Variants in CNTNAP2 observed in about 807,000 individuals in gnomAD.
CNTNAP2 encodes the protein contactin-associated protein-like 2.
CNTNAP2 carries 98 observed loss-of-function variants against 155.2 expected under a neutral mutation model. The observed-to-expected ratio is 0.63, with a 90% confidence interval of 0.54 to 0.75. CNTNAP2 has a LOEUF of 0.75. Ranked by LOEUF, CNTNAP2 falls within the 30% of genes least tolerant of loss-of-function variation. The pLI is 0.00. For synonymous variants in CNTNAP2, 651 were observed against 631.2 expected, an observed-to-expected ratio of 1.03 and a Z score of -0.47; for missense variants, 1,727 against 1,688.1, an observed-to-expected ratio of 1.02 and a Z score of -0.40.
intron 1 of CNTNAP2, among the ~76,000 whole-genome samples, chr7:146,452,648 T>C (rs1584932268): frequency 6.6e-6 from 1 of 152,228 alleles, no homozygotes; most frequent in African/African-American, 2.4e-5. Flanking sequence ...TTCTTTAAAC[T>C]TAACTTCTCA....
intron 13 of CNTNAP2, among the ~76,000 whole-genome samples, chr7:147,741,028 C>G (rs1796947890): frequency 6.6e-6 from 1 of 152,196 alleles, no homozygotes; most frequent in South Asian, 2.1e-4. Flanking sequence ...TGGAAGATGG[C>G]AGTCCTCAGG....
At chr7:148,078,363 C>T (rs926179279) in intron 15 of CNTNAP2, among the ~76,000 whole-genome samples, 1 of 152,214 alleles carries the variant, frequency 6.6e-6, no homozygotes, top group African/African-American at 2.4e-5. Context: ...GGCATTGAGC[C>T]ACCCCACCTG....
Position 148,155,558 on chromosome 7 carries a change from C to A in CNTNAP2, c.2773+7849C>A, listed in dbSNP as rs568924817. ...CACAACTTGGAGTTAGGCTCCCACC[C>A]TCCCGTGGAGGGGAGACAGGGTGCT... On this transcript the variant is annotated intron_variant, in intron 17 of 23. Coordinates refer to ENST00000361727, the MANE Select transcript of CNTNAP2 (RefSeq NM_014141.6). Among the ~76,000 whole-genome samples the A allele has an allele frequency of 5.3e-5, 8 of 152,262 alleles. No homozygotes were observed. In the South Asian group the frequency reaches 1.4e-3, roughly 28 times the overall value.
chr7:148,123,564 C>T (rs1804643666), intron 16 of CNTNAP2, among the ~76,000 whole-genome samples: 1 of 151,190 alleles, frequency 6.6e-6, no homozygotes. Flanking sequence ...ACAGCTGTAC[C>T]CCCTAGCCTG....
chr7:146,993,800 A>G (rs553398266), intron 3 of CNTNAP2, among the ~76,000 whole-genome samples: 26 of 152,218 alleles, frequency 1.7e-4, no homozygotes, highest in African/African-American at 5.5e-4. Flanking sequence ...ACATATGACT[A>G]TTTTGTCATG....
chr7:147,740,873 C>T (rs1796945024), intron 13 of CNTNAP2, among the ~76,000 whole-genome samples: 1 of 152,126 alleles, frequency 6.6e-6, no homozygotes, highest in African/African-American at 2.4e-5. Context: ...AGAGGGAGGG[C>T]CCAGGCAGAA....
intron 21 of CNTNAP2, among the ~76,000 whole-genome samples, chr7:148,352,663 A>G (rs1798448422): frequency 6.6e-6 from 1 of 152,186 alleles, no homozygotes; most frequent in East Asian, 1.9e-4. Flanking sequence ...CTCTGAGCTC[A>G]TGGATTCAAC....
chr7:146,857,606 A>G (rs1295565879), intron 3 of CNTNAP2, among the ~76,000 whole-genome samples: 1 of 152,182 alleles, frequency 6.6e-6, no homozygotes, highest in East Asian at 1.9e-4. Context: ...AGGCAGAGGA[A>G]AAAGAAGTTA....
intron 1 of CNTNAP2, among the ~76,000 whole-genome samples, chr7:146,477,018 G>T (rs1191187649): frequency 1.3e-5 from 2 of 152,022 alleles, no homozygotes; most frequent in African/African-American, 4.8e-5. Flanking sequence ...TGAACTATTT[G>T]TTTTCCCCAA....
At chr7:146,286,995 C>T (rs763805002) in intron 1 of CNTNAP2, among the ~76,000 whole-genome samples, 7 of 152,042 alleles carry the variant, frequency 4.6e-5, no homozygotes, top group Non-Finnish European at 7.4e-5. Context: ...GTGATGAGAA[C>T]GTCCCTCTGG....
In CNTNAP2 at chr7:148,129,622, T is replaced by A. The variant is rs186444734; in HGVS notation, c.2554+11334T>A. On this transcript the variant is annotated intron_variant, in intron 16 of 23. Coordinates refer to ENST00000361727, the MANE Select transcript of CNTNAP2 (RefSeq NM_014141.6). ...GAGAAAATCTTGAATGACAAAAAAG[T>A]TAATAAATCACTCAATTTTTCAACT... Among the ~76,000 whole-genome samples the A allele has an allele frequency of 2.0e-4, 30 of 152,186 alleles. No individual in the cohort carries two copies. In the East Asian group the frequency reaches 5.8e-3, roughly 29 times the overall value.
intron 8 of CNTNAP2, among the ~76,000 whole-genome samples, chr7:147,153,393 G>T (rs1801863285): frequency 6.6e-6 from 1 of 152,084 alleles, no homozygotes; most frequent in South Asian, 2.1e-4. Flanking sequence ...AAAGAAAGGA[G>T]GAGAATAAGA....
intron 3 of CNTNAP2, among the ~76,000 whole-genome samples, chr7:146,946,285 A>G (rs770267968): frequency 6.6e-6 from 1 of 152,032 alleles, no homozygotes; most frequent in Non-Finnish European, 1.5e-5. Context: ...AGCTTTTACT[A>G]TTTCCTCTTC....
chr7:146,747,831 T>A (rs992963261), intron 1 of CNTNAP2, among the ~76,000 whole-genome samples: 1 of 152,160 alleles, frequency 6.6e-6, no homozygotes, highest in Non-Finnish European at 1.5e-5. Flanking sequence ...ACTGAATATT[T>A]CTTAGTTTTT....
intron 3 of CNTNAP2, among the ~76,000 whole-genome samples, chr7:147,042,290 A>G (rs889705682): frequency 6.6e-6 from 1 of 152,224 alleles, no homozygotes; most frequent in Non-Finnish European, 1.5e-5. Context: ...GTAATTGTCC[A>G]TGTTATAGAC....
At chr7:148,284,035 A>T (rs1278134563) in intron 21 of CNTNAP2, among the ~76,000 whole-genome samples, 1 of 152,244 alleles carries the variant, frequency 6.6e-6, no homozygotes, top group Non-Finnish European at 1.5e-5. Flanking sequence ...AGCTACTGCA[A>T]ATAGTGACAA....
intron 13 of CNTNAP2, among the ~76,000 whole-genome samples, chr7:147,864,834 G>A (rs185735181): frequency 5.6e-4 from 86 of 152,222 alleles, no homozygotes; most frequent in Admixed American, 2.6e-3. Flanking sequence ...GGGCTGAGAC[G>A]ATAGGGTTTT....
At chr7:146,731,204 T>C in intron 1 of CNTNAP2, among the ~76,000 whole-genome samples, 1 of 152,018 alleles carries the variant, frequency 6.6e-6, no homozygotes, top group East Asian at 1.9e-4. Context: ...TCATGATATC[T>C]AAGCTACAAA....
At chr7:146,987,191 G>A (rs372991320) in intron 3 of CNTNAP2, among the ~76,000 whole-genome samples, 10 of 152,236 alleles carry the variant, frequency 6.6e-5, no homozygotes, top group African/African-American at 2.4e-4. Context: ...GATATAGAAT[G>A]ATTAGCAAAT....
Sources: allele counts gnomAD v4.1 joint callset (sites outside exome capture counted in the v4.1 genomes callset), GRCh38; gene constraint gnomAD v4.1.1; transcripts MANE v1.5; gene names NCBI Gene and HGNC (gene_info 2026-07-23, HGNC 2026-07-21).